The following TTLL7 variants were observed in gnomAD, a reference collection of about 807,000 sequenced individuals.
TTLL7 encodes the protein tubulin tyrosine ligase like 7, also known as tubulin polyglutamylase TTLL7.
Under a neutral mutation model 120.2 loss-of-function variants are expected in TTLL7, and 53 were observed. That is an observed-to-expected ratio of 0.44 (90% CI 0.35 to 0.55). The LOEUF is 0.55. Ranked by LOEUF, TTLL7 falls within the 20% of genes least tolerant of loss-of-function variation. TTLL7 has a pLI of 0.00. For synonymous variants in TTLL7, 353 were observed against 351.7 expected, an observed-to-expected ratio of 1.00 and a Z score of -0.04; for missense variants, 803 against 1,054.7, an observed-to-expected ratio of 0.76 and a Z score of 3.31.
At chr1:83,982,787 A>G (rs1041568111) in intron 1 of TTLL7, among the ~76,000 whole-genome samples, 1 of 152,206 alleles carries the variant, frequency 6.6e-6, no homozygotes, top group Admixed American at 6.5e-5. Flanking sequence ...TTTTCACAGA[A>G]GTAGAAAAAA....
At chr1:83,892,731 C>CAT (rs541977369) in intron 18 of TTLL7, among the ~76,000 whole-genome samples, 1 of 149,228 alleles carries the variant, frequency 6.7e-6, no homozygotes, top group African/African-American at 2.5e-5. Flanking sequence ...TATGTGAACA[C>CAT]ATATATATGA....
At chr1:83,947,451 G>A (rs1018360021) in intron 5 of TTLL7, 169 bp from the exon 6 acceptor site, 5 of 570,978 alleles carry the variant, frequency 8.8e-6, no homozygotes, top group African/African-American at 7.9e-5. Context: ...CCTATTAAGT[G>A]TTAGACACTA....
intron 18 of TTLL7, among the ~76,000 whole-genome samples, chr1:83,892,893 AAG>A (rs750334751): frequency 1.0e-4 from 14 of 135,350 alleles, no homozygotes; most frequent in South Asian, 2.3e-4. Flanking sequence ...AAAAGAGAGA[AAG>A]AGAAAGAAGG....
intron 1 of TTLL7, among the ~76,000 whole-genome samples, chr1:83,955,981 C>T (rs951177248): frequency 2.0e-5 from 3 of 152,084 alleles, no homozygotes; most frequent in Non-Finnish European, 4.4e-5. Flanking sequence ...AGCCTGGCAG[C>T]AGAGCGTGTC....
intron 1 of TTLL7, among the ~76,000 whole-genome samples, chr1:83,965,705 T>C (rs1164380374): frequency 1.3e-5 from 2 of 152,156 alleles, no homozygotes; most frequent in Non-Finnish European, 2.9e-5. Context: ...AGTGTATACA[T>C]TCTGCATTCT....
At chr1:83,946,118 C>T (rs1456957867) in intron 6 of TTLL7, 1 of 152,130 alleles carries the variant, frequency 6.6e-6, no homozygotes, top group African/African-American at 2.4e-5. Flanking sequence ...GTGGCTCGAT[C>T]TTGGCTCACT....
intron 14 of TTLL7, among the ~76,000 whole-genome samples, chr1:83,916,296 G>A (rs1292537846): frequency 6.6e-6 from 1 of 152,116 alleles, no homozygotes; most frequent in Non-Finnish European, 1.5e-5. Context: ...ATACACCATG[G>A]AATACTATGC....
At chr1:83,975,455 T>G (rs565497003) in intron 1 of TTLL7, among the ~76,000 whole-genome samples, 1 of 152,264 alleles carries the variant, frequency 6.6e-6, no homozygotes, top group East Asian at 1.9e-4. Context: ...TTTAGGAACT[T>G]GTCAAAGACT....
At chr1:83,971,538 CA>C (rs1396213459) in intron 1 of TTLL7, among the ~76,000 whole-genome samples, 1 of 151,942 alleles carries the variant, frequency 6.6e-6, no homozygotes, top group Admixed American at 6.6e-5. Context: ...GAGAATGATC[CA>C]TACATGGTTC....
At chr1:83,920,750 A>T (rs1313003550) in intron 12 of TTLL7, 1 of 226,892 alleles carries the variant, frequency 4.4e-6, no homozygotes, top group Non-Finnish European at 8.7e-6. Flanking sequence ...CTAGTTCCTG[A>T]AAAAGTACAG....
intron 1 of TTLL7, among the ~76,000 whole-genome samples, chr1:83,955,821 C>G (rs540951036): frequency 6.6e-6 from 1 of 152,182 alleles, no homozygotes; most frequent in South Asian, 2.1e-4. Context: ...TTGAGACCAG[C>G]CTGAGCAACA....
At chr1:83,934,600 A>C (rs1461165706) in intron 8 of TTLL7, among the ~76,000 whole-genome samples, 1 of 152,206 alleles carries the variant, frequency 6.6e-6, no homozygotes. Flanking sequence ...ATTAACCCTA[A>C]TTTTTAAAAA....
In TTLL7 at chr1:83,871,624, G is replaced by T. The variant is rs1292210145; in HGVS notation, c.2544-1542C>A. The stretch of plus-strand genomic sequence containing the variant: ...AATTCTCCAGGGATAGGCCGGGCGC[G>T]GTGGCTCACGCCTGTAATCCCAGCA... On this transcript the variant is annotated intron_variant, in intron 20 of 20. Coordinates refer to ENST00000260505, the MANE Select transcript of TTLL7 (RefSeq NM_024686.6). Among the ~76,000 whole-genome samples the T allele has an allele frequency of 9.2e-5, 14 of 151,864 alleles. 1 individual carries two copies. The South Asian group carries it at 1.5e-3, about 16-fold the overall frequency.
chr1:83,965,689 A>G (rs1571331010), intron 1 of TTLL7, among the ~76,000 whole-genome samples: 1 of 152,264 alleles, frequency 6.6e-6, no homozygotes, highest in Admixed American at 6.5e-5. Context: ...CTTGAAGGGA[A>G]TATACAGTGT....
At position 83,963,171 on chromosome 1, in the gene TTLL7, G is replaced by T. The variant is rs115219659; in HGVS notation, c.-176-10784C>A. On this transcript the variant is annotated intron_variant, in intron 1 of 20. Transcript: ENST00000260505. Reference sequence around the variant, plus strand: ...AGTTGATGCCAATCCCAGCTCCAAGGATGCGTACATGACTTAGAACTAAAC... The same window carrying T: ...AGTTGATGCCAATCCCAGCTCCAAGTATGCGTACATGACTTAGAACTAAAC... Among the ~76,000 whole-genome samples the T allele has an allele frequency of 5.1e-3, 781 of 152,142 alleles. 13 individuals carry two copies. Among genetic ancestry groups the T allele is most frequent in the African/African-American group, 0.018 (747 of 41,512 alleles).
chr1:83,908,656 T>C (rs898625275), intron 15 of TTLL7, among the ~76,000 whole-genome samples: 2 of 152,038 alleles, frequency 1.3e-5, no homozygotes, highest in African/African-American at 4.8e-5. Flanking sequence ...CACTCAATAC[T>C]ATCAATATTT....
At position 83,974,333 on chromosome 1, in the gene TTLL7, A is replaced by G. The variant is rs562252604; in HGVS notation, c.-176-21946T>C. Among the ~76,000 whole-genome samples the G allele has an allele frequency of 2.0e-5, 3 of 152,144 alleles. No individual in the cohort carries two copies. In the South Asian group the frequency reaches 6.2e-4, roughly 32 times the overall value. On this transcript the variant is annotated intron_variant, in intron 1 of 20. Coordinates refer to ENST00000260505, the MANE Select transcript of TTLL7 (RefSeq NM_024686.6). ...GCAAACCAAAGACTACGACAAAATT[A>G]GTAAATTCTTATTTAAGTGCAAAGT...
At chr1:83,952,874 C>T (rs1649186612) in intron 1 of TTLL7, among the ~76,000 whole-genome samples, 1 of 152,122 alleles carries the variant, frequency 6.6e-6, no homozygotes, top group Non-Finnish European at 1.5e-5. Flanking sequence ...GCCAGAGTGT[C>T]TTATTTAGAA....
intron 20 of TTLL7, among the ~76,000 whole-genome samples, chr1:83,876,041 G>A (rs1653900716): frequency 6.6e-6 from 1 of 151,708 alleles, no homozygotes; most frequent in East Asian, 1.9e-4. Flanking sequence ...AAATCTTTAT[G>A]CAGTTTTACC....
Sources: allele counts gnomAD v4.1 joint callset (sites outside exome capture counted in the v4.1 genomes callset), GRCh38; gene constraint gnomAD v4.1.1; transcripts MANE v1.5; gene names NCBI Gene and HGNC (gene_info 2026-07-23, HGNC 2026-07-21).